The following CTNNA2 variants were observed in gnomAD, a reference collection of about 807,000 sequenced individuals.
The protein encoded by CTNNA2 is catenin alpha-2.
In CTNNA2, 42 loss-of-function variants were observed where a neutral mutation model predicts 101.0. The ratio of observed to expected loss-of-function variants is 0.42; its 90% CI spans 0.32 to 0.54. The LOEUF is 0.54. Ranked by LOEUF, CTNNA2 falls within the 20% of genes least tolerant of loss-of-function variation. CTNNA2 has a pLI of 0.14. For synonymous variants in CTNNA2, 450 were observed against 456.4 expected (o/e 0.99, Z 0.18); for missense variants, 871 against 1,223.1 (o/e 0.71, Z 4.29).
At chr2:80,612,501 G>A (rs1268324116) in intron 17 of CTNNA2, among the ~76,000 whole-genome samples, 1 of 151,434 alleles carries the variant, frequency 6.6e-6, no homozygotes, top group African/African-American at 2.4e-5. Context: ...AAGTGGTCAG[G>A]AACTGAACAA....
intron 9 of CTNNA2, among the ~76,000 whole-genome samples, chr2:80,498,263 A>G (rs76698190): frequency 0.013 from 1,936 of 152,306 alleles, 15 homozygotes; most frequent in Admixed American, 0.019. Context: ...ATAGCTGGAC[A>G]TGGCCATGGC....
intron 2 of CTNNA2, among the ~76,000 whole-genome samples, chr2:79,673,031 T>C (rs538013659): frequency 2.0e-5 from 3 of 152,264 alleles, no homozygotes; most frequent in African/African-American, 7.2e-5. Context: ...TTCAACATGA[T>C]TGAGGTTAAA....
chr2:79,873,443 C>A (rs1334038703), intron 5 of CTNNA2, among the ~76,000 whole-genome samples: 3 of 152,046 alleles, frequency 2.0e-5, no homozygotes, highest in Admixed American at 1.3e-4. Context: ...TCAAAAAATA[C>A]AGTAAAGTAG....
intron 5 of CTNNA2, among the ~76,000 whole-genome samples, chr2:79,872,262 C>T (rs2104041534): frequency 6.6e-6 from 1 of 151,858 alleles, no homozygotes; most frequent in African/African-American, 2.4e-5. Flanking sequence ...CTTGGTAATT[C>T]AATATTTAGA....
chr2:79,660,348 G>A (rs1012935141), intron 2 of CTNNA2, among the ~76,000 whole-genome samples: 5 of 150,182 alleles, frequency 3.3e-5, no homozygotes, highest in East Asian at 2.0e-4. Context: ...CTATACATAT[G>A]TGTATGTATA....
chr2:79,286,988 T>C (rs981250108), intron 2 of CTNNA2, among the ~76,000 whole-genome samples: 2 of 152,194 alleles, frequency 1.3e-5, no homozygotes, highest in African/African-American at 4.8e-5. Context: ...CTTCCCTTCT[T>C]GCTTCATTTC....
intron 12 of CTNNA2, among the ~76,000 whole-genome samples, chr2:80,557,350 A>G (rs1165149668): frequency 2.0e-5 from 3 of 152,046 alleles, no homozygotes; most frequent in African/African-American, 7.2e-5. Flanking sequence ...ATAAAAAGGT[A>G]TTTTTTTCCC....
chr2:79,786,109 T>C (rs879911892), intron 3 of CTNNA2, among the ~76,000 whole-genome samples: 2 of 152,090 alleles, frequency 1.3e-5, no homozygotes, highest in South Asian at 2.1e-4. Flanking sequence ...TGTTGAAATA[T>C]GAAAATGTTT....
At chr2:80,411,267 A>G (rs1461648010) in intron 8 of CTNNA2, among the ~76,000 whole-genome samples, 1 of 152,238 alleles carries the variant, frequency 6.6e-6, no homozygotes, top group African/African-American at 2.4e-5. Context: ...GGCCTATCTT[A>G]GACCACAAGT....
intron 4 of CTNNA2, among the ~76,000 whole-genome samples, chr2:79,413,772 G>T (rs2104494597): frequency 6.6e-6 from 1 of 151,838 alleles, no homozygotes; most frequent in South Asian, 2.1e-4. Context: ...ACAGGTATGA[G>T]GTGATATCTC....
chr2:79,306,362 T>C (rs1347672560), intron 2 of CTNNA2, among the ~76,000 whole-genome samples: 1 of 152,188 alleles, frequency 6.6e-6, no homozygotes, highest in Non-Finnish European at 1.5e-5. Flanking sequence ...TGTTGTGTTG[T>C]CACAAAAAAT....
chr2:80,478,186 A>T (rs527257274), intron 9 of CTNNA2, among the ~76,000 whole-genome samples: 1 of 152,148 alleles, frequency 6.6e-6, no homozygotes, highest in East Asian at 1.9e-4. Context: ...CCATTTGTAT[A>T]TCTTCTTTGA....
intron 5 of CTNNA2, among the ~76,000 whole-genome samples, chr2:79,872,408 C>T (rs927448951): frequency 1.3e-5 from 2 of 151,932 alleles, no homozygotes; most frequent in Non-Finnish European, 1.5e-5. Context: ...TATAGATACC[C>T]AGGAATGGAA....
intron 4 of CTNNA2, among the ~76,000 whole-genome samples, chr2:79,501,775 T>A (rs1471156645): frequency 6.6e-6 from 1 of 152,132 alleles, no homozygotes; most frequent in Non-Finnish European, 1.5e-5. Flanking sequence ...TCATCATGTA[T>A]CTTATGTGAA....
chr2:79,333,099 G>A (rs1436532187), intron 3 of CTNNA2, among the ~76,000 whole-genome samples: 2 of 152,114 alleles, frequency 1.3e-5, no homozygotes, highest in Non-Finnish European at 2.9e-5. Context: ...AAATCAAGAT[G>A]GATGTTTTGA....
At chr2:80,495,939 CAAAAAAAAAAAAAAA>C (rs60582703) in intron 9 of CTNNA2, among the ~76,000 whole-genome samples, 1 of 35,772 alleles carries the variant, frequency 2.8e-5, no homozygotes, top group Non-Finnish European at 5.2e-5. Context: ...GACTCTGTCT[CAAAAAAAAAAAAAAA>C]AAAAAAAAAA....
intron 3 of CTNNA2, among the ~76,000 whole-genome samples, chr2:79,763,065 A>C (rs949044494): frequency 6.6e-6 from 1 of 152,198 alleles, no homozygotes; most frequent in Non-Finnish European, 1.5e-5. Flanking sequence ...TCAGATACTT[A>C]GAAACTATTC....
At chr2:79,248,108 T>TG (rs1208812410) in intron 2 of CTNNA2, among the ~76,000 whole-genome samples, 11 of 152,156 alleles carry the variant, frequency 7.2e-5, no homozygotes, top group African/African-American at 2.4e-4. Context: ...TTCCGACCAG[T>TG]GGGGCATTGG....
intron 7 of CTNNA2, among the ~76,000 whole-genome samples, chr2:79,965,111 A>C (rs1379448478): frequency 6.6e-6 from 1 of 152,188 alleles, no homozygotes; most frequent in African/African-American, 2.4e-5. Context: ...CACTCCGAGG[A>C]GTCATTTTCA....
Sources: gnomAD v4.1 joint callset for allele counts (sites outside exome capture counted in the v4.1 genomes callset) on GRCh38, gnomAD v4.1.1 for gene constraint, MANE v1.5 for transcripts, NCBI Gene and HGNC (gene_info 2026-07-23, HGNC 2026-07-21) for gene names.